The following HIVEP3 variants were observed in gnomAD, a reference collection of about 807,000 sequenced individuals.
HIVEP3 encodes the protein transcription factor HIVEP3.
Under a neutral mutation model 152.8 loss-of-function variants are expected in HIVEP3, and 49 were observed. The ratio of observed to expected loss-of-function variants is 0.32; its 90% CI spans 0.26 to 0.41. The LOEUF (loss-of-function observed/expected upper bound fraction) is 0.41, where lower values mean the gene tolerates loss of function less well. HIVEP3 is among the 10% of genes least tolerant of loss of function. The pLI is 1.00. For missense variants in HIVEP3, 2,790 were observed against 3,103.3 expected, an observed-to-expected ratio of 0.90 and a Z score of 2.40; for synonymous variants, 1,269 against 1,289.0, an observed-to-expected ratio of 0.98 and a Z score of 0.33.
chr1:41,568,590 A>G (rs2149094840), intron 5 of HIVEP3, among the ~76,000 whole-genome samples: 1 of 152,328 alleles, frequency 6.6e-6, no homozygotes. Context: ...ACTGTAGGAC[A>G]CTGTGATCAC....
intron 3 of HIVEP3, among the ~76,000 whole-genome samples, chr1:41,601,352 T>C (rs1349627302): frequency 6.6e-6 from 1 of 152,180 alleles, no homozygotes; most frequent in Non-Finnish European, 1.5e-5. Context: ...AGTATGGACA[T>C]GTTAACAATA....
At chr1:41,751,293 T>G (rs1647158310) in intron 1 of HIVEP3, among the ~76,000 whole-genome samples, 1 of 150,912 alleles carries the variant, frequency 6.6e-6, no homozygotes, top group South Asian at 2.1e-4. Flanking sequence ...CTCTTCACCC[T>G]TTGAATTCAT....
intron 1 of HIVEP3, among the ~76,000 whole-genome samples, chr1:41,802,328 G>A (rs1032387917): frequency 3.3e-5 from 5 of 151,978 alleles, no homozygotes; most frequent in Middle Eastern, 3.2e-3. Flanking sequence ...AGATCCTCCC[G>A]ACTCAGCCTC....
In HIVEP3 at chr1:41,513,070, C is replaced by T. The variant is rs200409674; in HGVS notation, c.6151G>A (p.Val2051Met). 1.2e-5 allele frequency: 20 copies of T among 1,613,770 alleles called. No individual in the cohort carries two copies. The highest frequency in any genetic ancestry group is 1.5e-5 in the Non-Finnish European group (18 of 1,180,014). The change falls in exon 8 of 9, where the codon GTG (valine) becomes ATG (methionine). Residue 2051 changes from valine to methionine, a missense_variant. Around this residue, in one of 9 missense-constraint regions of HIVEP3, gnomAD observed 816 missense variants for 806.5 expected, o/e 1.01. Coordinates refer to ENST00000372583, the MANE Select transcript of HIVEP3 (RefSeq NM_024503.5). ...LGRELAPRAH[V>M]LSKLEGTTDP... ...GTGGTACCCTCGAGTTTGGAGAGCA[C>T]ATGTGCTCGAGGGGCCAGTTCTCTT... is the stretch of plus-strand genomic sequence containing the variant.
chr1:41,959,668 A>G (rs767025606), intron 1 of HIVEP3, among the ~76,000 whole-genome samples: 3 of 152,210 alleles, frequency 2.0e-5, no homozygotes, highest in Non-Finnish European at 4.4e-5. Flanking sequence ...CCCAAGAAAC[A>G]GAATGCATAG....
chr1:41,668,121 C>A (rs892004231), intron 2 of HIVEP3, among the ~76,000 whole-genome samples: 5 of 152,184 alleles, frequency 3.3e-5, no homozygotes, highest in Non-Finnish European at 7.3e-5. Flanking sequence ...TTGATATAAT[C>A]CATGTGGCCA....
At chr1:42,002,859 A>G (rs1645436113) in intron 1 of HIVEP3, among the ~76,000 whole-genome samples, 1 of 152,170 alleles carries the variant, frequency 6.6e-6, no homozygotes, top group South Asian at 2.1e-4. Context: ...ACTGGGGGAA[A>G]GGTCCTGAGA....
chr1:41,783,692 T>C (rs1649184830), intron 1 of HIVEP3, among the ~76,000 whole-genome samples: 1 of 152,196 alleles, frequency 6.6e-6, no homozygotes, highest in South Asian at 2.1e-4. Context: ...ATACAGGAGA[T>C]GTCTTGCTGG....
chr1:41,828,436 T>C (rs1289244613), intron 1 of HIVEP3, among the ~76,000 whole-genome samples: 2 of 152,258 alleles, frequency 1.3e-5, no homozygotes, highest in Non-Finnish European at 2.9e-5. Flanking sequence ...CTTCAGTTGA[T>C]AAACTTTGCC....
chr1:41,627,392 G>C (rs1258886034), intron 3 of HIVEP3, among the ~76,000 whole-genome samples: 1 of 152,130 alleles, frequency 6.6e-6, no homozygotes, highest in Non-Finnish European at 1.5e-5. Flanking sequence ...CTCAGGGTGG[G>C]TCTACACTGT....
intron 1 of HIVEP3, among the ~76,000 whole-genome samples, chr1:41,852,102 G>A (rs1190218818): frequency 6.6e-6 from 1 of 152,262 alleles, no homozygotes; most frequent in African/African-American, 2.4e-5. Context: ...AGGCTCTGGA[G>A]AGATCCAAAT....
chr1:41,913,626 G>A (rs1290132421), intron 1 of HIVEP3, among the ~76,000 whole-genome samples: 1 of 151,842 alleles, frequency 6.6e-6, no homozygotes, highest in East Asian at 1.9e-4. Flanking sequence ...CAAACTCCTG[G>A]GCTCAAGTGA....
At chr1:41,625,268 A>C (rs2149145400) in intron 3 of HIVEP3, among the ~76,000 whole-genome samples, 1 of 152,248 alleles carries the variant, frequency 6.6e-6, no homozygotes, top group African/African-American at 2.4e-5. Context: ...CAGCTGATAA[A>C]GCAAGCAATA....
chr1:41,544,861 C>CCAT (rs1558046405), intron 5 of HIVEP3, among the ~76,000 whole-genome samples: 2 of 61,876 alleles, frequency 3.2e-5, no homozygotes, highest in East Asian at 8.1e-4. Flanking sequence ...ACCACCACCA[C>CCAT]CACCACCACC....
intron 3 of HIVEP3, among the ~76,000 whole-genome samples, chr1:41,623,259 A>G (rs1296698439): frequency 6.6e-6 from 1 of 152,176 alleles, no homozygotes. Context: ...AGAAACCACG[A>G]AACTTCCTAC....
intron 5 of HIVEP3, among the ~76,000 whole-genome samples, chr1:41,557,497 G>T (rs527391945): frequency 1.3e-5 from 2 of 152,326 alleles, no homozygotes; most frequent in East Asian, 3.9e-4. Context: ...TGGGGTAGGG[G>T]CACCTGCACA....
At chr1:41,682,443 C>T (rs1456891746) in intron 2 of HIVEP3, among the ~76,000 whole-genome samples, 1 of 152,178 alleles carries the variant, frequency 6.6e-6, no homozygotes, top group African/African-American at 2.4e-5. Context: ...CCCAAGCAGG[C>T]TCTGGGAGGG....
chr1:41,890,313 G>A (rs1644426663), intron 1 of HIVEP3, among the ~76,000 whole-genome samples: 1 of 152,150 alleles, frequency 6.6e-6, no homozygotes, highest in African/African-American at 2.4e-5. Context: ...ACAGCCTAAA[G>A]GGAGAAACAG....
intron 3 of HIVEP3, among the ~76,000 whole-genome samples, chr1:41,617,359 G>A (rs1032784631): frequency 2.6e-5 from 4 of 152,306 alleles, no homozygotes; most frequent in Non-Finnish European, 5.9e-5. Flanking sequence ...TCCTAATAAT[G>A]AGCCATGTCA....
Sources: gnomAD v4.1 joint callset for allele counts (sites outside exome capture counted in the v4.1 genomes callset) on GRCh38, gnomAD v4.1.1 for gene constraint, gnomAD v4.1.1 regional missense constraint, MANE v1.5 for transcripts, NCBI Gene and HGNC (gene_info 2026-07-23, HGNC 2026-07-21) for gene names.